The following B4GALT5 variants were observed in gnomAD, a reference collection of about 807,000 sequenced individuals.
The protein encoded by B4GALT5 is beta-1,4-galactosyltransferase 5.
A neutral mutation model predicts 45.0 loss-of-function variants in B4GALT5; 11 were observed. The ratio of observed to expected loss-of-function variants is 0.24; its 90% CI spans 0.15 to 0.40. The LOEUF is 0.40. Among genes scored for constraint, B4GALT5 ranks in the 10% least tolerant of loss-of-function variants. B4GALT5 has a pLI of 1.00. For synonymous variants in B4GALT5, 185 were observed against 182.9 expected (o/e 1.01, Z -0.09); for missense variants, 337 against 500.2 (o/e 0.67, Z 3.11).
At chr20:49,687,903 C>A (rs1370252113) in intron 1 of B4GALT5, among the ~76,000 whole-genome samples, 1 of 150,798 alleles carries the variant, frequency 6.6e-6, no homozygotes, top group African/African-American at 2.4e-5. Context: ...TTTTTTTTTT[C>A]AAAGTCTGAA....
chr20:49,645,535 G>T (rs950696814), intron 3 of B4GALT5, among the ~76,000 whole-genome samples: 1 of 151,928 alleles, frequency 6.6e-6, no homozygotes, highest in African/African-American at 2.4e-5. Flanking sequence ...GATCACCTGA[G>T]GTCAGGAGTT....
At chr20:49,688,862 G>A (rs923338670) in intron 1 of B4GALT5, among the ~76,000 whole-genome samples, 132 of 151,628 alleles carry the variant, frequency 8.7e-4, no homozygotes, top group African/African-American at 3.1e-3. Flanking sequence ...GCTTAAGTCC[G>A]GGAGGCAGAG....
At chr20:49,670,693 A>C (rs576917674) in intron 1 of B4GALT5, among the ~76,000 whole-genome samples, 5 of 152,296 alleles carry the variant, frequency 3.3e-5, no homozygotes, top group Non-Finnish European at 5.9e-5. Flanking sequence ...TGACACTACA[A>C]ACTGCTTGTC....
Position 49,656,684 on chromosome 20 carries a change from A to G in B4GALT5, c.134T>C (p.Met45Thr), listed in dbSNP as rs2085644623. ...GATCAGAATGCCTTGGGCTTGCATC[A>G]TGAAGAGGTAGGTGTTCACTGCAGA... Reference protein sequence around the residue: ...APGIVNTYLFMMQAQGILIRD... With the variant: ...APGIVNTYLFTMQAQGILIRD... The change falls in exon 2 of 9, where the codon ATG becomes ACG. Residue 45 changes from methionine to threonine, a missense_variant. Physicochemically the swap from Met to Thr is moderately conservative, Grantham distance 81 (BLOSUM62 -1). Transcript: ENST00000371711. 6.2e-7 allele frequency: 1 copy of G among 1,614,046 alleles called. No individual in the cohort carries two copies. Among genetic ancestry groups the G allele is most frequent in the African/African-American group, 1.3e-5 (1 of 74,930 alleles).
Position 49,633,955 on chromosome 20 carries a change from A to AG in B4GALT5, c.*2356dup, listed in dbSNP as rs529963207. 6.6e-6 allele frequency: 1 copy of AG among 152,474 alleles called. No homozygotes were observed. The highest frequency in any genetic ancestry group is 2.4e-5 in the African/African-American group (1 of 41,406). The allele number at this position is 152,474 out of a possible 1,614,324, so 9.4% of individuals were successfully genotyped here. ...GTGGGGGATGGGGGTTGCAGGGTGGAGGGGGGTCTTTATTGCTATATGCAC... is the reference window on the plus strand; with the variant it reads ...GTGGGGGATGGGGGTTGCAGGGTGGAGGGGGGGTCTTTATTGCTATATGCAC... On this transcript the variant is annotated 3_prime_UTR_variant, in exon 9 of 9. Coordinates refer to ENST00000371711, the MANE Select transcript of B4GALT5 (RefSeq NM_004776.4).
chr20:49,697,904 A>C (rs1337042936), intron 1 of B4GALT5, among the ~76,000 whole-genome samples: 1 of 152,170 alleles, frequency 6.6e-6, no homozygotes, highest in Non-Finnish European at 1.5e-5. Context: ...TCTTTTAGCA[A>C]AGTCTGACTT....
At chr20:49,709,983 G>A (rs947060130) in intron 1 of B4GALT5, among the ~76,000 whole-genome samples, 5 of 152,088 alleles carry the variant, frequency 3.3e-5, no homozygotes, top group African/African-American at 7.2e-5. Flanking sequence ...TTTGCTCTTA[G>A]AATACGGGTC....
chr20:49,712,343 T>C lies in B4GALT5; in HGVS notation c.115+1233A>G, dbSNP rs540328260. Among the ~76,000 whole-genome samples the C allele has an allele frequency of 4.6e-5, 7 of 152,206 alleles. No homozygotes were observed. The South Asian group carries it at 8.3e-4, about 18-fold the overall frequency. Reference sequence around the variant, plus strand: ...TGCCCAAGGTCATACAGGGCAGAGATTGGAATCCAAGTCTGACCTCTGTGT... The same window carrying C: ...TGCCCAAGGTCATACAGGGCAGAGACTGGAATCCAAGTCTGACCTCTGTGT... On this transcript the variant is annotated intron_variant, in intron 1 of 8. Transcript: ENST00000371711.
intron 2 of B4GALT5, among the ~76,000 whole-genome samples, chr20:49,654,497 A>T (rs1305232824): frequency 2.0e-5 from 3 of 152,350 alleles, no homozygotes; most frequent in Admixed American, 2.0e-4. Context: ...CCAACAAGAA[A>T]GTATCAAAAG....
rs1984461783 is a variant in B4GALT5, at chr20:49,634,520, T to C, written c.*1792A>G. ...GACAGAGACTACAATTTGAGGGCTT[T>C]GGTTTGGGGAAAAACAAAGAGGCAC... On this transcript the variant is annotated 3_prime_UTR_variant, in exon 9 of 9. Transcript: ENST00000371711. The C allele has an allele frequency of 6.6e-6, 1 of 152,176 alleles. No homozygotes were observed. Among genetic ancestry groups the C allele is most frequent in the South Asian group, 2.1e-4 (1 of 4,826 alleles). The allele number at this position is 152,176 out of a possible 1,614,324, so 9.4% of individuals were successfully genotyped here. A position where few individuals can be genotyped will look rare whatever the true frequency, so the allele number is the denominator to read the frequency against.
At chr20:49,651,801 G>T (rs192358243) in intron 2 of B4GALT5, among the ~76,000 whole-genome samples, 7 of 151,978 alleles carry the variant, frequency 4.6e-5, no homozygotes, top group Admixed American at 3.9e-4. Flanking sequence ...ACACCAGGCC[G>T]GGTGTGGTGG....
chr20:49,698,476 C>G, intron 1 of B4GALT5, among the ~76,000 whole-genome samples: 1 of 152,178 alleles, frequency 6.6e-6, no homozygotes. Flanking sequence ...TCCCAATCTT[C>G]TAATTCACAC....
intron 3 of B4GALT5, 23 bp from the exon 4 acceptor site, chr20:49,643,673 G>A (rs779888829): frequency 1.9e-5 from 30 of 1,603,486 alleles, no homozygotes; most frequent in Non-Finnish European, 2.5e-5. Flanking sequence ...GGGGAAAAGG[G>A]ATTAAGAGGT....
At chr20:49,700,205 T>A (rs1224515645) in intron 1 of B4GALT5, among the ~76,000 whole-genome samples, 2 of 152,198 alleles carry the variant, frequency 1.3e-5, no homozygotes, top group African/African-American at 4.8e-5. Context: ...CTAAATAAAT[T>A]GAGACCTGTC....
intron 1 of B4GALT5, among the ~76,000 whole-genome samples, chr20:49,712,791 G>A (rs1321627086): frequency 5.4e-5 from 8 of 147,428 alleles, no homozygotes; most frequent in South Asian, 4.4e-4. Flanking sequence ...AGTCTGGGGG[G>A]CTGGGGGCAA....
At chr20:49,694,803 C>T (rs1600553856) in intron 1 of B4GALT5, among the ~76,000 whole-genome samples, 1 of 143,606 alleles carries the variant, frequency 7.0e-6, no homozygotes, top group East Asian at 1.9e-4. Flanking sequence ...ACGAGGAAAA[C>T]CCAGAAAACT....
chr20:49,709,985 A>G (rs2085900966), intron 1 of B4GALT5, among the ~76,000 whole-genome samples: 1 of 152,246 alleles, frequency 6.6e-6, no homozygotes, highest in Non-Finnish European at 1.5e-5. Flanking sequence ...TGCTCTTAGA[A>G]TACGGGTCAC....
intron 1 of B4GALT5, among the ~76,000 whole-genome samples, chr20:49,702,177 G>A (rs1205553679): frequency 3.9e-5 from 6 of 152,028 alleles, no homozygotes; most frequent in Non-Finnish European, 8.8e-5. Flanking sequence ...GTCGCCTGCC[G>A]AATCCGAATC....
chr20:49,706,937 C>A (rs924576772), intron 1 of B4GALT5, among the ~76,000 whole-genome samples: 1 of 152,154 alleles, frequency 6.6e-6, no homozygotes, highest in Non-Finnish European at 1.5e-5. Flanking sequence ...TGGCCTTCTG[C>A]TGCTTTGGAA....
Sources: gnomAD v4.1 joint callset for allele counts (sites outside exome capture counted in the v4.1 genomes callset) on GRCh38, gnomAD v4.1.1 for gene constraint, MANE v1.5 for transcripts, NCBI Gene and HGNC (gene_info 2026-07-23, HGNC 2026-07-21) for gene names.